The following SCFD2 variants were observed in gnomAD, a reference collection of about 807,000 sequenced individuals.
SCFD2 encodes the protein sec1 family domain containing 2.
In SCFD2, 54 loss-of-function variants were observed where a neutral mutation model predicts 58.9. That is an observed-to-expected ratio of 0.92 (90% CI 0.74 to 1.15). The LOEUF (loss-of-function observed/expected upper bound fraction) is 1.15. Among genes scored for constraint, SCFD2 ranks in the 50% most tolerant of loss-of-function variants. The pLI, the probability that SCFD2 is intolerant of heterozygous loss-of-function variation, is 0.00. For missense variants in SCFD2, 805 were observed against 836.6 expected, an observed-to-expected ratio of 0.96 and a Z score of 0.47; for synonymous variants, 321 against 335.9, an observed-to-expected ratio of 0.96 and a Z score of 0.49.
intron 3 of SCFD2, among the ~76,000 whole-genome samples, chr4:53,292,421 C>T (rs1465803972): frequency 2.0e-5 from 3 of 152,106 alleles, no homozygotes; most frequent in African/African-American, 7.2e-5. Context: ...CAAAAGAAGA[C>T]ATACATGCAG....
chr4:52,898,749 G>C (rs1206765532), intron 7 of SCFD2, among the ~76,000 whole-genome samples: 1 of 152,144 alleles, frequency 6.6e-6, no homozygotes, highest in Non-Finnish European at 1.5e-5. Context: ...TGTTGACAGT[G>C]GGGTGTTAAA....
intron 2 of SCFD2, among the ~76,000 whole-genome samples, chr4:53,319,563 C>T (rs1320320313): frequency 3.3e-5 from 5 of 149,582 alleles, no homozygotes; most frequent in African/African-American, 1.2e-4. Flanking sequence ...GAAGGAGTCT[C>T]GCTCTGTCAC....
At chr4:53,203,272 C>G (rs2412398) in intron 4 of SCFD2, among the ~76,000 whole-genome samples, 104,959 of 151,964 alleles carry the variant, frequency 0.69, 36,495 homozygotes, top group Middle Eastern at 0.78. Context: ...TTTTCTGCAT[C>G]TATTGAGATA....
At chr4:53,053,478 C>T (rs1038681724) in intron 5 of SCFD2, among the ~76,000 whole-genome samples, 2 of 152,174 alleles carry the variant, frequency 1.3e-5, no homozygotes, top group Admixed American at 6.5e-5. Context: ...GTGATTCTAT[C>T]ACAGCCTATA....
intron 3 of SCFD2, among the ~76,000 whole-genome samples, chr4:53,277,606 G>T (rs1731365796): frequency 6.6e-6 from 1 of 152,118 alleles, no homozygotes; most frequent in East Asian, 1.9e-4. Context: ...GAATTAAATA[G>T]ATTCAAAATA....
At chr4:53,330,390 G>A (rs531956965) in intron 2 of SCFD2, among the ~76,000 whole-genome samples, 99 of 152,224 alleles carry the variant, frequency 6.5e-4, no homozygotes, top group East Asian at 4.8e-3. Context: ...GACTAACAGC[G>A]TATCTCTCAG....
chr4:53,187,814 G>C (rs1327622618), intron 4 of SCFD2, among the ~76,000 whole-genome samples: 1 of 151,996 alleles, frequency 6.6e-6, no homozygotes, highest in African/African-American at 2.4e-5. Context: ...AATTATAGAT[G>C]ACTTTGGAAA....
chr4:53,051,024 A>T (rs1723178804), intron 5 of SCFD2, among the ~76,000 whole-genome samples: 1 of 152,118 alleles, frequency 6.6e-6, no homozygotes, highest in Non-Finnish European at 1.5e-5. Context: ...TTACAATTTC[A>T]TAATTAACAC....
At chr4:53,086,144 A>T (rs1474304484) in intron 5 of SCFD2, among the ~76,000 whole-genome samples, 2 of 152,232 alleles carry the variant, frequency 1.3e-5, no homozygotes, top group African/African-American at 4.8e-5. Context: ...ACAAGGGATT[A>T]ATAATCAGAA....
chr4:53,050,966 G>T (rs1241947031), intron 5 of SCFD2, among the ~76,000 whole-genome samples: 1 of 152,128 alleles, frequency 6.6e-6, no homozygotes, highest in East Asian at 1.9e-4. Context: ...CAGATCTCCT[G>T]GTAGGCGCTC....
At chr4:52,975,015 T>A (rs1245015523) in intron 5 of SCFD2, among the ~76,000 whole-genome samples, 3 of 152,172 alleles carry the variant, frequency 2.0e-5, no homozygotes, top group African/African-American at 4.8e-5. Context: ...ATACAAAAAT[T>A]AATTCAAGAT....
At chr4:53,040,998 C>T (rs78376982) in intron 5 of SCFD2, among the ~76,000 whole-genome samples, 27 of 152,126 alleles carry the variant, frequency 1.8e-4, no homozygotes, top group South Asian at 8.3e-4. Flanking sequence ...AAAAGAAAAC[C>T]ACAGGAACTA....
chr4:53,253,536 A>C (rs1730478257), intron 4 of SCFD2, among the ~76,000 whole-genome samples: 1 of 152,120 alleles, frequency 6.6e-6, no homozygotes, highest in African/African-American at 2.4e-5. Flanking sequence ...TGGCACATAT[A>C]CACCATGGAA....
At chr4:53,074,974 A>G (rs1474759434) in intron 5 of SCFD2, among the ~76,000 whole-genome samples, 1 of 152,184 alleles carries the variant, frequency 6.6e-6, no homozygotes, top group South Asian at 2.1e-4. Flanking sequence ...GAGGCCAGGC[A>G]TTGGTTTCTC....
chr4:53,071,349 T>A (rs969556959), intron 5 of SCFD2, among the ~76,000 whole-genome samples: 4 of 152,128 alleles, frequency 2.6e-5, no homozygotes, highest in African/African-American at 9.7e-5. Context: ...CTGAGCCTAA[T>A]ATTAGGTGAT....
At chr4:52,949,212 T>A (rs972489437) in intron 5 of SCFD2, 2 of 152,202 alleles carry the variant, frequency 1.3e-5, no homozygotes, top group African/African-American at 4.8e-5. Flanking sequence ...AAACATAGAC[T>A]CCCTTTGTTC....
chr4:53,329,386 A>G (rs1311204527), intron 2 of SCFD2, among the ~76,000 whole-genome samples: 13 of 149,740 alleles, frequency 8.7e-5, no homozygotes, highest in South Asian at 2.1e-4. Context: ...CCCAGCACGC[A>G]GCTGGAGATC....
chr4:52,986,211 AG>A (rs1553912872), intron 5 of SCFD2, among the ~76,000 whole-genome samples: 1 of 85,970 alleles, frequency 1.2e-5, no homozygotes, highest in Non-Finnish European at 2.5e-5. Context: ...AGCAATTTAG[AG>A]GGGAAAAAAG....
chr4:53,309,419 T>C (rs1330062969), intron 3 of SCFD2, among the ~76,000 whole-genome samples: 2 of 152,210 alleles, frequency 1.3e-5, no homozygotes, highest in South Asian at 2.1e-4. Flanking sequence ...AAGTATCACC[T>C]TGTAGTGGAT....
Sources: allele counts gnomAD v4.1 joint callset (sites outside exome capture counted in the v4.1 genomes callset), GRCh38; gene constraint gnomAD v4.1.1; transcripts MANE v1.5; gene names NCBI Gene and HGNC (gene_info 2026-07-23, HGNC 2026-07-21).